The following WDR19 variants were observed in gnomAD, a reference collection of about 807,000 sequenced individuals.
The protein encoded by WDR19 is WD repeat-containing protein 19.
WDR19 carries 121 observed loss-of-function variants against 180.0 expected under a neutral mutation model. That is an observed-to-expected ratio of 0.67 (90% CI 0.58 to 0.78). The LOEUF is 0.78. WDR19 is among the 30% of genes least tolerant of loss of function. The probability of loss-of-function intolerance (pLI) is 0.00; values close to 1 mark genes in which losing one functional copy is unlikely to be tolerated. For missense variants in WDR19, 1,450 were observed against 1,640.7 expected, an observed-to-expected ratio of 0.88 and a Z score of 2.01; for synonymous variants, 497 against 540.7, an observed-to-expected ratio of 0.92 and a Z score of 1.12.
At chr4:39,241,808 AAG>A (rs1331927382) in intron 21 of WDR19, among the ~76,000 whole-genome samples, 35 of 132,858 alleles carry the variant, frequency 2.6e-4, no homozygotes, top group African/African-American at 6.1e-4. Flanking sequence ...AAAAAAAAAA[AAG>A]AAAGAAAGAA....
chr4:39,250,337 G>A (rs1208847398), intron 24 of WDR19, among the ~76,000 whole-genome samples: 1 of 152,150 alleles, frequency 6.6e-6, no homozygotes, highest in South Asian at 2.1e-4. Context: ...CAATAATTTA[G>A]GTATTGATGA....
At chr4:39,186,706 C>T (rs1725595600) in intron 3 of WDR19, 102 bp downstream of exon 3, 2 of 771,988 alleles carry the variant, frequency 2.6e-6, no homozygotes, top group Middle Eastern at 3.0e-4. Flanking sequence ...TCTTTTGCTT[C>T]TTCCATTTGC....
chr4:39,276,976 A>C (rs1458692946), intron 33 of WDR19, 44 bp from the exon 34 acceptor site: 1 of 1,609,202 alleles, frequency 6.2e-7, no homozygotes, highest in East Asian at 2.2e-5. Context: ...TCCCCGGTAC[A>C]TGAATAAAAC....
chr4:39,278,318 A>T, intron 35 of WDR19, 111 bp downstream of exon 35: 1 of 1,126,584 alleles, frequency 8.9e-7, no homozygotes. Context: ...AGGATCTCTA[A>T]AGACTCAAAT....
At chr4:39,230,218 C>G (rs1262599825) in intron 17 of WDR19, among the ~76,000 whole-genome samples, 1 of 152,238 alleles carries the variant, frequency 6.6e-6, no homozygotes, top group Non-Finnish European at 1.5e-5. Context: ...AAGTCCCTCT[C>G]TGTTCCACTG....
intron 36 of WDR19, among the ~76,000 whole-genome samples, 179 bp downstream of exon 36, chr4:39,278,842 C>T (rs1194614090): frequency 6.6e-6 from 1 of 152,130 alleles, no homozygotes; most frequent in African/African-American, 2.4e-5. Context: ...GTATTATCAT[C>T]TCCATAATGA....
chr4:39,268,193 A>AGG, intron 30 of WDR19, 102 bp downstream of exon 30: 1 of 1,015,206 alleles, frequency 9.9e-7, no homozygotes, highest in African/African-American at 1.6e-5. Context: ...TTTGTAACAT[A>AGG]GGCTTGCTTT....
chr4:39,267,968 A>C, intron 29 of WDR19, 27 bp from the exon 30 acceptor site: 2 of 1,569,682 alleles, frequency 1.3e-6, no homozygotes, highest in Non-Finnish European at 1.7e-6. Flanking sequence ...GAAGAAAGTA[A>C]TGTTTCTATA....
At position 39,238,352 on chromosome 4, in the gene WDR19, A is replaced by G. The variant is rs1327601892; in HGVS notation, c.2364-1925A>G. ...CTTACTAAAGTCTGGGATTAAACTA[A>G]TGAGTTAGTTCCATATGAGAGCTTC... On this transcript the variant is annotated intron_variant, in intron 20 of 36. Coordinates refer to ENST00000399820, the MANE Select transcript of WDR19 (RefSeq NM_025132.4). 2.6e-5 allele frequency among the ~76,000 whole-genome samples: 4 copies of G among 152,338 alleles called. No individual in the cohort carries two copies. In the East Asian group the frequency reaches 7.7e-4, roughly 29 times the overall value.
At chr4:39,194,734 C>T (rs78482274) in intron 5 of WDR19, 75 bp downstream of exon 5, 29,421 of 1,181,078 alleles carry the variant, frequency 0.025, 586 homozygotes, top group East Asian at 0.089. Flanking sequence ...CCTCAGGTTT[C>T]CCTGATCTTG....
chr4:39,245,175 G>A (rs1732389500), intron 23 of WDR19, among the ~76,000 whole-genome samples, 194 bp from the exon 24 acceptor site: 1 of 151,472 alleles, frequency 6.6e-6, no homozygotes, highest in Non-Finnish European at 1.5e-5. Context: ...TTGAACTCCT[G>A]ACCTCAGGTG....
intron 4 of WDR19, among the ~76,000 whole-genome samples, chr4:39,194,083 C>T (rs1307442733): frequency 6.6e-6 from 1 of 152,182 alleles, no homozygotes; most frequent in Non-Finnish European, 1.5e-5. Context: ...TGCTTTTGAG[C>T]TACTCTTAAT....
intron 26 of WDR19, among the ~76,000 whole-genome samples, chr4:39,254,687 C>T (rs1292960661): frequency 6.6e-6 from 1 of 152,054 alleles, no homozygotes; most frequent in African/African-American, 2.4e-5. Flanking sequence ...TTGGTACATT[C>T]ATTCACGTTG....
At position 39,202,085 on chromosome 4, in the gene WDR19, G is replaced by A. The variant is rs767216298; in HGVS notation, c.523-1557G>A. Among the ~76,000 whole-genome samples, 5 of 152,098 alleles carry A rather than the reference G, an allele frequency of 3.3e-5. No individual in the cohort carries two copies. In the East Asian group the frequency reaches 5.8e-4, roughly 18 times the overall value. ...CTTTGTCAATTCAGGAAAATTCATA[G>A]TCATTATCTCTTTGAATATTACTTC... On this transcript the variant is annotated intron_variant, in intron 6 of 36. Transcript: ENST00000399820.
intron 5 of WDR19, among the ~76,000 whole-genome samples, chr4:39,197,348 C>T (rs897800332): frequency 6.7e-5 from 10 of 149,560 alleles, no homozygotes; most frequent in African/African-American, 2.5e-4. Context: ...ATTGCTTGAA[C>T]CCAGGAGGCA....
chr4:39,250,220 G>A (rs1191363755), intron 24 of WDR19, among the ~76,000 whole-genome samples: 6 of 152,034 alleles, frequency 3.9e-5, no homozygotes, highest in Non-Finnish European at 5.9e-5. Context: ...ATCAATAAAT[G>A]TAATCCAGCA....
intron 6 of WDR19, 122 bp from the exon 7 acceptor site, chr4:39,203,520 G>T: frequency 1.4e-6 from 1 of 726,464 alleles, no homozygotes; most frequent in Non-Finnish European, 2.3e-6. Flanking sequence ...TGTGACAGTA[G>T]GATTTTCAGG....
chr4:39,228,115 C>T (rs1468654225), intron 15 of WDR19, 95 bp from the exon 16 acceptor site: 26 of 1,410,924 alleles, frequency 1.8e-5, no homozygotes, highest in Non-Finnish European at 1.9e-6. Context: ...ACTCAGTAAG[C>T]TAAGCCAGCT....
At chr4:39,205,403 A>AT in intron 8 of WDR19, 137 bp downstream of exon 8, 1 of 1,176,028 alleles carries the variant, frequency 8.5e-7, no homozygotes, top group Non-Finnish European at 1.2e-6. Context: ...ATGGTCTGTG[A>AT]TTTAGTATGC....
Sources: allele counts gnomAD v4.1 joint callset (sites outside exome capture counted in the v4.1 genomes callset), GRCh38; gene constraint gnomAD v4.1.1; transcripts MANE v1.5; gene names NCBI Gene and HGNC (gene_info 2026-07-23, HGNC 2026-07-21).